ZSWIM1: variants seen among roughly 807,000 people sequenced by gnomAD.
ZSWIM1 encodes zinc finger SWIM domain-containing protein 1.
A neutral mutation model predicts 29.3 loss-of-function variants in ZSWIM1; 22 were observed. The observed-to-expected ratio is 0.75, with a 90% CI of 0.54 to 1.07. The LOEUF (loss-of-function observed/expected upper bound fraction) is 1.07. ZSWIM1 is among the 50% of genes least tolerant of loss of function. The probability of loss-of-function intolerance (pLI) is 0.00; values close to 1 mark genes in which losing one functional copy is unlikely to be tolerated. For missense variants in ZSWIM1, 511 were observed against 596.2 expected, an observed-to-expected ratio of 0.86 and a Z score of 1.49; for synonymous variants, 228 against 240.8, an observed-to-expected ratio of 0.95 and a Z score of 0.49.
Position 45,885,075 on chromosome 20 carries a change from T to C in ZSWIM1, c.*1025T>C, listed in dbSNP as rs113800831. Reference sequence around the variant, plus strand: ...GAGATAAAACATCAGGTGGTGAGGTTGAGGTTTGGGGCTTGGTAGCAGTTG... The same window carrying C: ...GAGATAAAACATCAGGTGGTGAGGTCGAGGTTTGGGGCTTGGTAGCAGTTG... On this transcript the variant is annotated 3_prime_UTR_variant, in exon 2 of 2. Coordinates refer to ENST00000372523, the MANE Select transcript of ZSWIM1 (RefSeq NM_080603.5). 0.017 allele frequency: 2,818 copies of C among 167,112 alleles called. 89 individuals carry two copies. The highest frequency in any genetic ancestry group is 0.064 in the African/African-American group (2,678 of 41,530). 10.4% of individuals were successfully genotyped at this position (167,112 alleles called of 1,614,324 possible).
At position 45,883,736 on chromosome 20, in the gene ZSWIM1, T is replaced by A. The variant is rs575706304; in HGVS notation, c.1144T>A (p.Cys382Ser). ...HKVQPQPPASCSCYFNQAFHL... is the reference protein window; with the variant it reads ...HKVQPQPPASSSCYFNQAFHL... ...GGTGCAGCCCCAGCCCCCTGCCAGCTGCAGCTGCTACTTTAACCAGGCCTT... is the reference window on the plus strand; with the variant it reads ...GGTGCAGCCCCAGCCCCCTGCCAGCAGCAGCTGCTACTTTAACCAGGCCTT... Residue 382 changes from cysteine to serine, a missense_variant, in exon 2 of 2, where the codon TGC becomes AGC. Physicochemically the swap from Cys to Ser is moderately radical, Grantham distance 112. Transcript: ENST00000372523. 1 of 1,614,054 alleles carries A rather than the reference T, an allele frequency of 6.2e-7. No homozygotes were observed. The highest frequency in any genetic ancestry group is 8.5e-7 in the Non-Finnish European group (1 of 1,180,044).
Position 45,883,851 on chromosome 20 carries a change from G to A in ZSWIM1, c.1259G>A (p.Gly420Asp). ...ATGCTGCCGGCTCAGTGGACGGCAG[G>A]CTGTGCTACCAGTCTAGACAGCATC... ...PDMLPAQWTA[G>D]CATSLDSILG... is the part of the protein sequence containing the mutation. Residue 420 changes from glycine (G) to aspartate (D), a missense_variant, in exon 2 of 2, where the codon GGC (glycine) becomes GAC (aspartate). Physicochemically the swap from Gly to Asp is moderately conservative, Grantham distance 94 (BLOSUM62 -1). Transcript: ENST00000372523. 1.2e-6 allele frequency: 2 copies of A among 1,613,598 alleles called. No individual in the cohort carries two copies. The highest frequency in any genetic ancestry group is 1.7e-6 in the Non-Finnish European group (2 of 1,180,026).
In ZSWIM1 at chr20:45,883,600, G is replaced by T; in HGVS notation, c.1008G>T (p.Gly336=). ...ACTCCCTCAATGCCATCTGCACAGG[G>T]CCAGCAGCCCAACTGTGCCTGGGCG... ...IQHSLNAICT[G]PAAQLCLGEL... The change falls in exon 2 of 2, where the codon GGG becomes GGT. Residue 336 remains glycine, a synonymous_variant. Transcript: ENST00000372523. 6.2e-7 allele frequency: 1 copy of T among 1,614,174 alleles called. No homozygotes were observed. The highest frequency in any genetic ancestry group is 8.5e-7 in the Non-Finnish European group (1 of 1,180,018).
At position 45,882,531 on chromosome 20, in the gene ZSWIM1, A is replaced by T; in HGVS notation, c.-60-2A>T. On this transcript the variant is annotated splice_acceptor_variant, in intron 1 of 1. Transcript: ENST00000372523. LOFTEE classifies it low-confidence loss of function (5UTR_SPLICE). ...TCCTTAAACCTCTGTTACTCTCCAT[A>T]GGCCCATCTTTGGAAAAAAGATCTG... The T allele has an allele frequency of 6.4e-7, 1 of 1,557,072 alleles. No individual in the cohort carries two copies. Among genetic ancestry groups the T allele is most frequent in the Non-Finnish European group, 8.7e-7 (1 of 1,153,302 alleles).
chr20:45,880,923 ATTTTCC>A (rs1438862730), upstream of ZSWIM1, among the ~76,000 whole-genome samples: 1 of 152,072 alleles, frequency 6.6e-6, no homozygotes, highest in East Asian at 1.9e-4. Flanking sequence ...ACTGCTATTT[ATTTTCC>A]TTTTCATTTT....
Position 45,884,287 on chromosome 20 carries a change from G to A in ZSWIM1, c.*237G>A. ...GACAGGAGTCAGCAAATCTTAATCT[G>A]TTTAGTTTACTCAGGTGGCCACATA... is the stretch of plus-strand genomic sequence containing the variant. On this transcript the variant is annotated 3_prime_UTR_variant, in exon 2 of 2. Coordinates refer to ENST00000372523, the MANE Select transcript of ZSWIM1 (RefSeq NM_080603.5). The A allele has an allele frequency of 2.2e-6, 1 of 456,206 alleles. No individual in the cohort carries two copies. The highest frequency in any genetic ancestry group is 3.9e-6 in the Non-Finnish European group (1 of 253,500). The allele number at this position is 456,206 out of a possible 1,614,324, so 28.3% of individuals were successfully genotyped here.
rs1233304379 is a variant in ZSWIM1, at chr20:45,885,013, AAAAAT to A, written c.*972_*976del. ...CTGGGAGGGTGAGACTCCATCTAAA[AAAAAT>A]AAAATAAATGGCAACCCCTGGTCTA... On this transcript the variant is annotated 3_prime_UTR_variant, in exon 2 of 2. Coordinates refer to ENST00000372523, the MANE Select transcript of ZSWIM1 (RefSeq NM_080603.5). 6.0e-6 allele frequency: 1 copy of A among 167,032 alleles called. No homozygotes were observed. The highest frequency in any genetic ancestry group is 1.9e-4 in the East Asian group (1 of 5,182). 10.3% of individuals were successfully genotyped at this position (167,032 alleles called of 1,614,324 possible). A position where few individuals can be genotyped will look rare whatever the true frequency, so the allele number is the denominator to read the frequency against.
chr20:45,884,166 G>T lies in ZSWIM1; in HGVS notation c.*116G>T, dbSNP rs528275077. On this transcript the variant is annotated 3_prime_UTR_variant, in exon 2 of 2. Transcript: ENST00000372523. ...CACTCCCTTACACTGTTGTACTTCC[G>T]TGGGCCCTCCTTCCAGAACAAGGAC... The T allele has an allele frequency of 7.1e-7, 1 of 1,404,164 alleles. No homozygotes were observed. The highest frequency in any genetic ancestry group is 9.6e-7 in the Non-Finnish European group (1 of 1,039,908). 87.0% of individuals were successfully genotyped at this position (1,404,164 alleles called of 1,614,324 possible).
chr20:45,882,671 A>G lies in ZSWIM1; in HGVS notation c.79A>G (p.Ile27Val), dbSNP rs774628903. 6.8e-6 allele frequency: 11 copies of G among 1,614,080 alleles called. No individual in the cohort carries two copies. Among genetic ancestry groups the G allele is most frequent in the Middle Eastern group, 1.6e-4 (1 of 6,084 alleles). Residue 27 changes from isoleucine (I) to valine (V), a missense_variant, in exon 2 of 2, where the codon ATC (isoleucine) becomes GTC (valine). Transcript: ENST00000372523. ...TGACCTTGGCATTTGGACAGCTCCC[A>G]TCTCTCCCATGGCCCTGACAATGCT... The part of the protein sequence containing the change: ...YFDLGIWTAP[I>V]SPMALTMLNG...
Position 45,883,654 on chromosome 20 carries a change from C to A in ZSWIM1, c.1062C>A (p.His354Gln), listed in dbSNP as rs777722679. The stretch of plus-strand genomic sequence containing the variant: ...TTGCTGTGGTCCAGAAATCCACACA[C>A]CTCATTGGCTCTGGCTCAGAAAAGA... ...GELAVVQKST[H>Q]LIGSGSEKMN... Residue 354 changes from histidine to glutamine, a missense_variant, in exon 2 of 2, where the codon CAC becomes CAA. Physicochemically the swap from His to Gln is conservative, Grantham distance 24. Coordinates refer to ENST00000372523, the MANE Select transcript of ZSWIM1 (RefSeq NM_080603.5). 2.7e-5 allele frequency: 43 copies of A among 1,614,102 alleles called. No individual in the cohort carries two copies. The Admixed American group carries it at 7.2e-4, about 27-fold the overall frequency.
chr20:45,882,965 CT>C lies in ZSWIM1; in HGVS notation c.374del (p.Leu125ArgfsTer33), dbSNP rs1568752978. ...CCCTGCCAAGGAGGACACTGAAGGCCTGGCCCAGATGTTCCAAGTATTCAAG... is the reference window on the plus strand; with the variant it reads ...CCCTGCCAAGGAGGACACTGAAGGCCGGCCCAGATGTTCCAAGTATTCAAG... ...AIPAKEDTEG[L>X]AQMFQVFKKF... On this transcript the variant is annotated frameshift_variant, in exon 2 of 2. Coordinates refer to ENST00000372523, the MANE Select transcript of ZSWIM1 (RefSeq NM_080603.5). LOFTEE classifies it high-confidence loss of function. 6.2e-7 allele frequency: 1 copy of C among 1,614,204 alleles called. No individual in the cohort carries two copies. Among genetic ancestry groups the C allele is most frequent in the Admixed American group, 1.7e-5 (1 of 60,018 alleles).
Position 45,883,108 on chromosome 20 carries a change from C to T in ZSWIM1, c.516C>T (p.His172=), listed in dbSNP as rs754087579. The stretch of plus-strand genomic sequence containing the variant: ...CTGAGGTCCTTCTCTCAGCCTTCCA[C>T]ATTTGTAAGTTCCTCCAGGCCAAGT... ...PTAEVLLSAF[H]ICKFLQAKFY... is the part of the protein sequence containing the mutation. The change falls in exon 2 of 2, where the codon CAC becomes CAT. Residue 172 remains histidine (H), a synonymous_variant. Transcript: ENST00000372523. 3.1e-6 allele frequency: 5 copies of T among 1,614,100 alleles called. No individual in the cohort carries two copies. Among genetic ancestry groups the T allele is most frequent in the Admixed American group, 1.7e-5 (1 of 60,002 alleles).
rs770194882 is a variant in ZSWIM1 at position 45,883,729 on chromosome 20, T to G, written c.1137T>G (p.Pro379=). The change falls in exon 2 of 2, where the codon CCT becomes CCG. Residue 379 remains proline, a synonymous_variant. Coordinates refer to ENST00000372523, the MANE Select transcript of ZSWIM1 (RefSeq NM_080603.5). ...EDTHKVQPQP[P]ASCSCYFNQA... ...CCCATAAGGTGCAGCCCCAGCCCCC[T>G]GCCAGCTGCAGCTGCTACTTTAACC... The G allele has an allele frequency of 6.2e-7, 1 of 1,614,078 alleles. No individual in the cohort carries two copies. Among genetic ancestry groups the G allele is most frequent in the African/African-American group, 1.3e-5 (1 of 75,052 alleles).
rs769701201 is a variant in ZSWIM1 at position 45,883,442 on chromosome 20, C to T, written c.850C>T (p.Arg284Cys). The change falls in exon 2 of 2, where the codon CGT becomes TGT. Residue 284 changes from arginine to cysteine, a missense_variant. Arg to Cys is a radical substitution (Grantham distance 180). Transcript: ENST00000372523. ...GAAACAAGGTATGGCTTCTCTGTTC[C>T]GTTACATGCAGCAGAACTCTGCAGA... ...SEKQGMASLF[R>C]YMQQNSADKA... is the part of the protein sequence containing the mutation. 14 of 1,614,110 alleles carry T rather than the reference C, an allele frequency of 8.7e-6. No individual in the cohort carries two copies. Among genetic ancestry groups the T allele is most frequent in the East Asian group, 4.5e-5 (2 of 44,900 alleles).
Position 45,884,032 on chromosome 20 carries a change from T to C in ZSWIM1, c.1440T>C (p.Tyr480=). 1 of 1,612,750 alleles carries C rather than the reference T, an allele frequency of 6.2e-7. No homozygotes were observed. Among genetic ancestry groups the C allele is most frequent in the South Asian group, 1.1e-5 (1 of 91,030 alleles). ...RELADSWIGP[Y]EQVQL ...TGGCCGACAGCTGGATTGGGCCTTA[T>C]GAGCAGGTCCAACTCTGATTATTCT... The change falls in exon 2 of 2, where the codon TAT becomes TAC. Residue 480 remains tyrosine (Y), a synonymous_variant. Coordinates refer to ENST00000372523, the MANE Select transcript of ZSWIM1 (RefSeq NM_080603.5).
chr20:45,884,275 A>T lies in ZSWIM1; in HGVS notation c.*225A>T. 1.9e-6 allele frequency: 1 copy of T among 533,624 alleles called. No homozygotes were observed. The highest frequency in any genetic ancestry group is 3.3e-6 in the Non-Finnish European group (1 of 300,018). The allele number at this position is 533,624 out of a possible 1,614,324, so 33.1% of individuals were successfully genotyped here. ...CTAGCTCAATGAGACAGGAGTCAGCAAATCTTAATCTGTTTAGTTTACTCA... is the reference window on the plus strand; with the variant it reads ...CTAGCTCAATGAGACAGGAGTCAGCTAATCTTAATCTGTTTAGTTTACTCA... On this transcript the variant is annotated 3_prime_UTR_variant, in exon 2 of 2. Transcript: ENST00000372523.
rs202023384 is a variant in ZSWIM1 at position 45,884,016 on chromosome 20, G to C, written c.1424G>C (p.Ser475Thr). 398 of 1,613,710 alleles carry C rather than the reference G, an allele frequency of 2.5e-4. No homozygotes were observed. Among genetic ancestry groups the C allele is most frequent in the Non-Finnish European group, 3.2e-4 (378 of 1,179,718 alleles). Residue 475 changes from serine (S) to threonine (T), a missense_variant, in exon 2 of 2, where the codon AGC becomes ACC. Ser to Thr is a moderately conservative substitution (Grantham distance 58). Coordinates refer to ENST00000372523, the MANE Select transcript of ZSWIM1 (RefSeq NM_080603.5). ...AGCACCCTGCGGGAACTGGCCGACA[G>C]CTGGATTGGGCCTTATGAGCAGGTC... ...RYSTLRELAD[S>T]WIGPYEQVQL is the part of the protein sequence containing the mutation.
At position 45,883,832 on chromosome 20, in the gene ZSWIM1, C is replaced by T; in HGVS notation, c.1240C>T (p.Pro414Ser). The change falls in exon 2 of 2, where the codon CCG (proline) becomes TCG (serine). Residue 414 changes from proline (P) to serine (S), a missense_variant. Transcript: ENST00000372523. ...CCAGGTGCTCCAGCCCGACATGCTG[C>T]CGGCTCAGTGGACGGCAGGCTGTGC... is the stretch of plus-strand genomic sequence containing the variant. The part of the protein sequence containing the change: ...RRQVLQPDML[P>S]AQWTAGCATS... 1 of 1,613,580 alleles carries T rather than the reference C, an allele frequency of 6.2e-7. No homozygotes were observed. Among genetic ancestry groups the T allele is most frequent in the Non-Finnish European group, 8.5e-7 (1 of 1,180,012 alleles).
chr20:45,882,737 C>T lies in ZSWIM1; in HGVS notation c.145C>T (p.Leu49=). The T allele has an allele frequency of 6.2e-7, 1 of 1,614,274 alleles. No individual in the cohort carries two copies. The highest frequency in any genetic ancestry group is 8.5e-7 in the Non-Finnish European group (1 of 1,180,054). Residue 49 remains leucine, a synonymous_variant, in exon 2 of 2, where the codon CTG becomes TTG. Coordinates refer to ENST00000372523, the MANE Select transcript of ZSWIM1 (RefSeq NM_080603.5). ...TAAGGACTCAAGCCCACCTATGCTG[C>T]TGCACCAGGTTAACAAGACTGCCCA... ...LIKDSSPPML[L]HQVNKTAQLD... is the part of the protein sequence containing the mutation.
Sources: gnomAD v4.1 joint callset for allele counts (sites outside exome capture counted in the v4.1 genomes callset) on GRCh38, gnomAD v4.1.1 for gene constraint, MANE v1.5 for transcripts, NCBI Gene and HGNC (gene_info 2026-07-23, HGNC 2026-07-21) for gene names.